The following NTN1 variants were observed in gnomAD, a reference collection of about 807,000 sequenced individuals.
NTN1 encodes the protein netrin-1.
In NTN1, 11 loss-of-function variants were observed where a neutral mutation model predicts 54.2. The ratio of observed to expected loss-of-function variants is 0.20; its 90% CI spans 0.13 to 0.34. The LOEUF (loss-of-function observed/expected upper bound fraction) is 0.34, where lower values mean the gene tolerates loss of function less well. NTN1 is among the 10% of genes least tolerant of loss of function. The pLI is 1.00. For synonymous variants in NTN1, 371 were observed against 382.0 expected (o/e 0.97, Z 0.33); for missense variants, 740 against 893.1 (o/e 0.83, Z 2.18).
In NTN1 at chr17:9,135,383, C is replaced by T. The variant is rs1226716541; in HGVS notation, c.1019-27430C>T. 3.9e-5 allele frequency among the ~76,000 whole-genome samples: 6 copies of T among 152,182 alleles called. No homozygotes were observed. In the East Asian group the frequency reaches 5.8e-4, roughly 15 times the overall value. On this transcript the variant is annotated intron_variant, in intron 2 of 6. Transcript: ENST00000173229. This position sits in a 1 kb window ranked among gnomAD's most constrained non-coding sequence, Gnocchi z 4.4. ...CATCCTGCCAACCAGACCACACTAA[C>T]GTTGTTCTCATGCACGGCTTCCTCT...
chr17:9,231,523 T>G (rs936540446), intron 6 of NTN1, among the ~76,000 whole-genome samples: 3 of 152,086 alleles, frequency 2.0e-5, no homozygotes, highest in South Asian at 2.1e-4. Context: ...GTGTAGAGAG[T>G]GCATGGATGC....
chr17:9,215,586 A>G (rs950599170), intron 5 of NTN1, among the ~76,000 whole-genome samples: 4 of 152,224 alleles, frequency 2.6e-5, no homozygotes, highest in African/African-American at 7.2e-5. Flanking sequence ...GCCCTTGCAC[A>G]TTTGAGAATG....
Position 9,204,177 on chromosome 17 carries a change from TTCCTTCCTTCCTTCCC to T in NTN1, c.1412-16975_1412-16960del, listed in dbSNP as rs560815391. 5.6e-3 allele frequency among the ~76,000 whole-genome samples: 744 copies of T among 134,042 alleles called. 6 individuals are homozygous for T. Among genetic ancestry groups the T allele is most frequent in the African/African-American group, 0.021 (703 of 33,906 alleles). The allele number at this position is 134,042 out of a possible 152,430, so 87.9% of individuals were successfully genotyped here. ...AAGGATAGACCACCCTTAGTAACCG[TTCCTTCCTTCCTTCCC>T]TCCTTCCTTCCTTCCTTCCTTCCTT... On this transcript the variant is annotated intron_variant, in intron 5 of 6. Coordinates refer to ENST00000173229, the MANE Select transcript of NTN1 (RefSeq NM_004822.3).
At chr17:9,115,762 C>T (rs1284349967) in intron 2 of NTN1, among the ~76,000 whole-genome samples, 1 of 152,218 alleles carries the variant, frequency 6.6e-6, no homozygotes, top group Admixed American at 6.5e-5. Context: ...GGCGGAGTCT[C>T]TGGAGGCGCC....
intron 2 of NTN1, among the ~76,000 whole-genome samples, chr17:9,088,499 C>T (rs186650085): frequency 6.6e-6 from 1 of 152,258 alleles, no homozygotes; most frequent in African/African-American, 2.4e-5. Context: ...TCTATGTTCT[C>T]TGGAGCTCCT....
At chr17:9,053,339 C>G (rs984900396) in intron 2 of NTN1, among the ~76,000 whole-genome samples, 1 of 152,346 alleles carries the variant, frequency 6.6e-6, no homozygotes, top group East Asian at 1.9e-4. Flanking sequence ...GGAATTAGCC[C>G]TTCCTGTTGC....
chr17:9,106,472 CCTTCCTTCCTT>C (rs1567711907), intron 2 of NTN1, among the ~76,000 whole-genome samples: 261 of 16,798 alleles, frequency 0.016, 2 homozygotes, highest in African/African-American at 0.036. Flanking sequence ...TTCCTCCCTT[CCTTCCTTCCTT>C]CCTTCCTTCC....
Position 9,135,113 on chromosome 17 carries a change from A to G in NTN1, c.1019-27700A>G, listed in dbSNP as rs1401846405. On this transcript the variant is annotated intron_variant, in intron 2 of 6. Coordinates refer to ENST00000173229, the MANE Select transcript of NTN1 (RefSeq NM_004822.3). This position sits in a 1 kb window ranked among gnomAD's most constrained non-coding sequence, Gnocchi z 4.4. Reference sequence around the variant, plus strand: ...CCACACCGAGGGCCCGGTAAGGCACATTGTCCCCCAGCCCCTGATGCTCCC... The same window carrying G: ...CCACACCGAGGGCCCGGTAAGGCACGTTGTCCCCCAGCCCCTGATGCTCCC... 2.0e-5 allele frequency among the ~76,000 whole-genome samples: 3 copies of G among 152,020 alleles called. No homozygotes were observed. Among genetic ancestry groups the G allele is most frequent in the Non-Finnish European group, 4.4e-5 (3 of 67,988 alleles).
intron 3 of NTN1, among the ~76,000 whole-genome samples, chr17:9,168,958 C>T (rs918553603): frequency 6.6e-5 from 10 of 152,176 alleles, no homozygotes; most frequent in African/African-American, 2.4e-4. Context: ...TCATTATGGC[C>T]AGGTAAGGTT....
chr17:9,114,447 T>TAAA (rs372338509), intron 2 of NTN1, among the ~76,000 whole-genome samples: 1 of 145,070 alleles, frequency 6.9e-6, no homozygotes, highest in Non-Finnish European at 1.5e-5. Context: ...TTACTTGAGT[T>TAAA]AAAAAAAAAA....
chr17:9,183,642 C>T (rs1315990045), intron 5 of NTN1: 1 of 219,730 alleles, frequency 4.6e-6, no homozygotes, highest in Non-Finnish European at 9.2e-6. Flanking sequence ...GATTTATAAT[C>T]ATTAATAAAG....
intron 2 of NTN1, among the ~76,000 whole-genome samples, chr17:9,047,943 GC>G (rs1287766280): frequency 6.6e-6 from 1 of 152,056 alleles, no homozygotes; most frequent in Non-Finnish European, 1.5e-5. Flanking sequence ...TGATCCACCC[GC>G]CTCGGCCTCC....
intron 2 of NTN1, among the ~76,000 whole-genome samples, chr17:9,106,515 TCCTTCCTTCCTTCCTTTC>T (rs1567711945): frequency 7.1e-4 from 59 of 83,390 alleles, no homozygotes; most frequent in African/African-American, 1.0e-3. Context: ...CTTCCTTCCT[TCCTTCCTTCCTTCCTTTC>T]GACAGAGTCT....
At chr17:9,183,292 CT>C in intron 5 of NTN1, 1 of 584,044 alleles carries the variant, frequency 1.7e-6, no homozygotes, top group South Asian at 1.5e-5. Context: ...GTTGTCACTC[CT>C]TCCTGGGGCT....
intron 3 of NTN1, chr17:9,171,438 T>G (rs1347680257): frequency 6.6e-6 from 1 of 152,258 alleles, no homozygotes; most frequent in Non-Finnish European, 1.5e-5. Flanking sequence ...ACCACATGTT[T>G]GTGTAACGCT....
At chr17:9,094,143 T>C (rs556776934) in intron 2 of NTN1, among the ~76,000 whole-genome samples, 1 of 152,356 alleles carries the variant, frequency 6.6e-6, no homozygotes, top group East Asian at 1.9e-4. Flanking sequence ...TTCAAACATA[T>C]ACTATTTTAT....
In NTN1 at chr17:9,242,115, T is replaced by A. The variant is rs989511316; in HGVS notation, c.*2147T>A. On this transcript the variant is annotated 3_prime_UTR_variant, in exon 7 of 7. Transcript: ENST00000173229. ...GACTTGCCAGATGGCAGCTCCAGGT[T>A]CCAGGAAGGCAGGCCTTGGATGCTC... The A allele has an allele frequency of 2.0e-5, 3 of 152,862 alleles. No homozygotes were observed. Among genetic ancestry groups the A allele is most frequent in the African/African-American group, 7.2e-5 (3 of 41,472 alleles). 9.5% of individuals were successfully genotyped at this position (152,862 alleles called of 1,614,324 possible). A position where few individuals can be genotyped will look rare whatever the true frequency, so the allele number is the denominator to read the frequency against.
At chr17:9,031,390 A>G (rs1014859912) in intron 2 of NTN1, among the ~76,000 whole-genome samples, 9 of 152,318 alleles carry the variant, frequency 5.9e-5, no homozygotes, top group African/African-American at 2.2e-4. Flanking sequence ...CCACTCCCGC[A>G]TTCTAAAACC....
chr17:9,021,149 C>G (rs565537863), upstream of NTN1, among the ~76,000 whole-genome samples: 337 of 152,198 alleles, frequency 2.2e-3, 2 homozygotes, highest in African/African-American at 7.7e-3. Context: ...GCCCCCTTCC[C>G]CCGCCCGCGC....
Sources: gnomAD v4.1 joint callset for allele counts (sites outside exome capture counted in the v4.1 genomes callset) on GRCh38, gnomAD v4.1.1 for gene constraint, Gnocchi (gnomAD v3.1) non-coding constraint, MANE v1.5 for transcripts, NCBI Gene and HGNC (gene_info 2026-07-23, HGNC 2026-07-21) for gene names.